The following ANKRD11 variants were observed in gnomAD, a reference collection of about 807,000 sequenced individuals.
ANKRD11 encodes the protein ankyrin repeat domain-containing protein 11.
A neutral mutation model predicts 195.7 loss-of-function variants in ANKRD11; 17 were observed. That is an observed-to-expected ratio of 0.09 (90% CI 0.06 to 0.13). The LOEUF (loss-of-function observed/expected upper bound fraction) is 0.13, where lower values mean the gene tolerates loss of function less well. ANKRD11 is among the 10% of genes least tolerant of loss of function. The pLI is 1.00. For synonymous variants in ANKRD11, 1,953 were observed against 1,528.1 expected, an observed-to-expected ratio of 1.28 and a Z score of -6.49; for missense variants, 3,735 against 3,566.1, an observed-to-expected ratio of 1.05 and a Z score of -1.21.
At chr16:89,431,647 C>T (rs762588961) in intron 1 of ANKRD11, among the ~76,000 whole-genome samples, 2 of 152,038 alleles carry the variant, frequency 1.3e-5, no homozygotes, top group Non-Finnish European at 2.9e-5. Context: ...CTTCCTCCAC[C>T]TCCTCCCTCA....
At chr16:89,307,145 C>G (rs1237740771) in intron 3 of ANKRD11, among the ~76,000 whole-genome samples, 5 of 152,210 alleles carry the variant, frequency 3.3e-5, no homozygotes, top group Non-Finnish European at 7.3e-5. Flanking sequence ...AGCCTTCTTT[C>G]TGTAACTTTC....
chr16:89,342,755 A>G lies in ANKRD11; in HGVS notation c.-59-25677T>C, dbSNP rs368469116. Among the ~76,000 whole-genome samples the G allele has an allele frequency of 2.4e-4, 37 of 152,342 alleles. 1 individual carries two copies. The highest frequency in any genetic ancestry group is 8.7e-4 in the African/African-American group (36 of 41,580). ...ATAGTCCTCATTAAAATTAAATACT[A>G]AATACTCTAAGGAAACACACAATTG... On this transcript the variant is annotated intron_variant, in intron 2 of 12. Coordinates refer to ENST00000301030, the MANE Select transcript of ANKRD11 (RefSeq NM_013275.6).
intron 2 of ANKRD11, among the ~76,000 whole-genome samples, chr16:89,383,408 C>T (rs1021120446): frequency 1.3e-5 from 2 of 152,218 alleles, no homozygotes; most frequent in Non-Finnish European, 2.9e-5. Flanking sequence ...CATGGCTGTC[C>T]CCACACTCTG....
At chr16:89,314,607 C>A (rs2036834967) in intron 3 of ANKRD11, among the ~76,000 whole-genome samples, 1 of 152,168 alleles carries the variant, frequency 6.6e-6, no homozygotes. Flanking sequence ...AGGGCTCCAC[C>A]ACGCCCAGCC....
At chr16:89,383,264 C>T (rs891302809) in intron 2 of ANKRD11, among the ~76,000 whole-genome samples, 4 of 152,230 alleles carry the variant, frequency 2.6e-5, no homozygotes, top group Admixed American at 2.6e-4. Flanking sequence ...AGATAACCGG[C>T]TCTGCCAGAA....
chr16:89,469,485 A>C (rs1567848838), intron 1 of ANKRD11, among the ~76,000 whole-genome samples: 1 of 152,054 alleles, frequency 6.6e-6, no homozygotes. Context: ...GGCCTCCCGA[A>C]GTGCTAGAAT....
Position 89,283,445 on chromosome 16 carries a change from T to A in ANKRD11, c.3097A>T (p.Ser1033Cys), listed in dbSNP as rs201929972. ...TKPERYKEKS[S>C]DKDKSEKSIL... Reference sequence around the variant, plus strand: ...GATTTCTCACTTTTGTCCTTGTCACTGGATTTCTCTTTGTATCTTTCTGGT... The same window carrying A: ...GATTTCTCACTTTTGTCCTTGTCACAGGATTTCTCTTTGTATCTTTCTGGT... The change falls in exon 9 of 13, where the codon AGT becomes TGT. Residue 1033 changes from serine to cysteine, a missense_variant. By Grantham distance (112) the Ser-to-Cys change is moderately radical. Transcript: ENST00000301030. This position sits in a 1 kb window ranked among gnomAD's most constrained non-coding sequence, Gnocchi z 4.3. 12 of 1,614,118 alleles carry A rather than the reference T, an allele frequency of 7.4e-6. No individual in the cohort carries two copies. The highest frequency in any genetic ancestry group is 1.0e-5 in the Non-Finnish European group (12 of 1,180,064).
intron 2 of ANKRD11, among the ~76,000 whole-genome samples, chr16:89,369,267 G>A (rs773398518): frequency 2.6e-5 from 4 of 152,234 alleles, no homozygotes; most frequent in African/African-American, 7.2e-5. Context: ...AGGTACGCCC[G>A]AGAAATGCCC....
intron 1 of ANKRD11, among the ~76,000 whole-genome samples, chr16:89,440,425 A>G (rs1227714866): frequency 6.6e-6 from 1 of 152,170 alleles, no homozygotes; most frequent in East Asian, 1.9e-4. Flanking sequence ...TGAGCAACAC[A>G]CTGAAACCTC....
chr16:89,305,195 C>T lies in ANKRD11; in HGVS notation c.226+11G>A, dbSNP rs771986742. On this transcript the variant is annotated intron_variant, in intron 4 of 12. Coordinates refer to ENST00000301030, the MANE Select transcript of ANKRD11 (RefSeq NM_013275.6). Reference sequence around the variant, plus strand: ...GGAGGGCTGACTGCAGGAGGGGCCGCGGGCTGGTACCTGTGTCCGAGTCCT... The same window carrying T: ...GGAGGGCTGACTGCAGGAGGGGCCGTGGGCTGGTACCTGTGTCCGAGTCCT... 10 of 1,610,046 alleles carry T rather than the reference C, an allele frequency of 6.2e-6. No homozygotes were observed. Among genetic ancestry groups the T allele is most frequent in the Middle Eastern group, 1.9e-4 (1 of 5,182 alleles).
intron 3 of ANKRD11, chr16:89,313,537 C>T: frequency 3.1e-6 from 4 of 1,289,210 alleles, no homozygotes; most frequent in Non-Finnish European, 4.0e-6. Context: ...TTGTGGGCTC[C>T]ATTTCCATCT....
Position 89,390,314 on chromosome 16 carries a change from C to T in ANKRD11, c.-60+27970G>A, listed in dbSNP as rs62068595. Among the ~76,000 whole-genome samples, 1,381 of 146,934 alleles carry T rather than the reference C, an allele frequency of 9.4e-3. 21 individuals carry two copies. The highest frequency in any genetic ancestry group is 0.017 in the East Asian group (82 of 4,858). ...TCACTGGGGCGAACACCGAGTGTGG[C>T]GTGGAGCACAGACAGAGAAGATCAC... On this transcript the variant is annotated intron_variant, in intron 2 of 12. Transcript: ENST00000301030.
intron 1 of ANKRD11, chr16:89,459,227 G>T: frequency 6.0e-6 from 1 of 165,660 alleles, no homozygotes; most frequent in East Asian, 1.7e-4. Context: ...CCATAATAAT[G>T]AGATCTACAT....
intron 1 of ANKRD11, among the ~76,000 whole-genome samples, chr16:89,441,639 C>T (rs1476060899): frequency 6.6e-6 from 1 of 151,684 alleles, no homozygotes; most frequent in East Asian, 1.9e-4. Flanking sequence ...TGGTGGTGGG[C>T]ACCTGCAGTC....
intron 2 of ANKRD11, among the ~76,000 whole-genome samples, chr16:89,327,529 A>G (rs1002751867): frequency 1.3e-5 from 2 of 152,176 alleles, no homozygotes; most frequent in Non-Finnish European, 2.9e-5. Flanking sequence ...GCAAGGACAC[A>G]GAATCCAAGA....
chr16:89,331,215 A>G (rs2038049604), intron 2 of ANKRD11, among the ~76,000 whole-genome samples: 1 of 152,218 alleles, frequency 6.6e-6, no homozygotes, highest in African/African-American at 2.4e-5. Context: ...TGGATTCCCA[A>G]AGTGCTAGGA....
At position 89,284,803 on chromosome 16, in the gene ANKRD11, G is replaced by T. The variant is rs558841201; in HGVS notation, c.1739C>A (p.Ser580Tyr). 176 of 1,613,750 alleles carry T rather than the reference G, an allele frequency of 1.1e-4. No homozygotes were observed. In the South Asian group the frequency reaches 1.6e-3, roughly 15 times the overall value. Residue 580 changes from serine (S) to tyrosine (Y), a missense_variant, in exon 9 of 13, where the codon TCC becomes TAC. Coordinates refer to ENST00000301030, the MANE Select transcript of ANKRD11 (RefSeq NM_013275.6). ...RTRLTSESDYSSEGSSVESLK... is the reference protein window; with the variant it reads ...RTRLTSESDYYSEGSSVESLK... ...CGATTCCACACTGGAGCCCTCAGAG[G>T]AGTAGTCAGACTCGCTTGTCAGTCT...
chr16:89,397,080 G>A lies in ANKRD11; in HGVS notation c.-60+21204C>T, dbSNP rs552988886. Among the ~76,000 whole-genome samples, 7 of 151,800 alleles carry A rather than the reference G, an allele frequency of 4.6e-5. No homozygotes were observed. The South Asian group carries it at 1.5e-3, about 32-fold the overall frequency. The stretch of plus-strand genomic sequence containing the variant: ...ATGCAATGGGCTTATTATTCCTGTT[G>A]TTAATTGGAATTGGTATACAGACAT... On this transcript the variant is annotated intron_variant, in intron 2 of 12. Coordinates refer to ENST00000301030, the MANE Select transcript of ANKRD11 (RefSeq NM_013275.6).
chr16:89,336,159 A>T (rs2038341877), intron 2 of ANKRD11, among the ~76,000 whole-genome samples: 1 of 152,232 alleles, frequency 6.6e-6, no homozygotes, highest in South Asian at 2.1e-4. Context: ...GCCTCTGGCC[A>T]CTTGTCCAGG....
Sources: allele counts gnomAD v4.1 joint callset (sites outside exome capture counted in the v4.1 genomes callset), GRCh38; gene constraint gnomAD v4.1.1; non-coding constraint Gnocchi (gnomAD v3.1); transcripts MANE v1.5; gene names NCBI Gene and HGNC (gene_info 2026-07-23, HGNC 2026-07-21).